CEACAM7: variants seen among roughly 807,000 people sequenced by gnomAD.
The protein encoded by CEACAM7 is cell adhesion molecule CEACAM7.
In CEACAM7, 24 loss-of-function variants were observed where a neutral mutation model predicts 25.7. The ratio of observed to expected loss-of-function variants is 0.93; its 90% confidence interval spans 0.68 to 1.31. CEACAM7 has a LOEUF of 1.31. Ranked by LOEUF, CEACAM7 falls within the 40% of genes most tolerant of loss-of-function variation. The pLI, the probability that CEACAM7 is intolerant of heterozygous loss-of-function variation, is 0.00. For missense variants in CEACAM7, 324 were observed against 330.1 expected, an observed-to-expected ratio of 0.98 and a Z score of 0.14; for synonymous variants, 144 against 129.4, an observed-to-expected ratio of 1.11 and a Z score of -0.77.
intron 2 of CEACAM7, among the ~76,000 whole-genome samples, chr19:41,685,612 A>G (rs2072218670): frequency 6.6e-6 from 1 of 152,124 alleles, no homozygotes; most frequent in African/African-American, 2.4e-5. Flanking sequence ...GGGCCCTGGC[A>G]TGTGCAGGGT....
intron 2 of CEACAM7, among the ~76,000 whole-genome samples, chr19:41,685,078 G>A (rs2072213728): frequency 6.6e-6 from 1 of 152,178 alleles, no homozygotes; most frequent in Non-Finnish European, 1.5e-5. Context: ...TGCCTAGGCC[G>A]CTGCACCTGG....
Position 41,674,506 on chromosome 19 carries a change from C to T in CEACAM7, c.*270G>A. On this transcript the variant is annotated 3_prime_UTR_variant, in exon 5 of 5. Transcript: ENST00000401731. ...ACATCTTGGGAAAAACTGTCCACAGCATGAAGTCATCAACTTCTTGTCCTG... is the reference window on the plus strand; with the variant it reads ...ACATCTTGGGAAAAACTGTCCACAGTATGAAGTCATCAACTTCTTGTCCTG... 1 of 170,420 alleles carries T rather than the reference C, an allele frequency of 5.9e-6. No individual in the cohort carries two copies. Among genetic ancestry groups the T allele is most frequent in the Non-Finnish European group, 1.3e-5 (1 of 79,348 alleles). The allele number at this position is 170,420 out of a possible 1,614,324, so 10.6% of individuals were successfully genotyped here. A position where few individuals can be genotyped will look rare whatever the true frequency, so the allele number is the denominator to read the frequency against.
chr19:41,687,426 T>C (rs906957271), intron 1 of CEACAM7, among the ~76,000 whole-genome samples: 14 of 152,178 alleles, frequency 9.2e-5, no homozygotes, highest in Non-Finnish European at 1.8e-4. Context: ...CGGAATCCTC[T>C]TCCCCAGGGA....
At chr19:41,684,483 T>TC (rs1204776238) in intron 2 of CEACAM7, among the ~76,000 whole-genome samples, 1 of 152,192 alleles carries the variant, frequency 6.6e-6, no homozygotes, top group Non-Finnish European at 1.5e-5. Context: ...GCCTTTTTTT[T>TC]CCAAGGATAT....
chr19:41,686,673 G>A (rs1382431478), intron 2 of CEACAM7, among the ~76,000 whole-genome samples, 186 bp downstream of exon 2: 2 of 152,168 alleles, frequency 1.3e-5, no homozygotes, highest in African/African-American at 2.4e-5. Flanking sequence ...GCAGGGTCTG[G>A]ATGCAGGAAA....
intron 2 of CEACAM7, among the ~76,000 whole-genome samples, chr19:41,685,982 G>C (rs1432812082): frequency 1.3e-5 from 2 of 152,118 alleles, no homozygotes; most frequent in Non-Finnish European, 2.9e-5. Flanking sequence ...AACAAAATGA[G>C]ATAAAGCGTA....
Position 41,688,264 on chromosome 19 carries a change from C to G in CEACAM7, c.-99G>C. The G allele has an allele frequency of 6.7e-7, 1 of 1,495,914 alleles. No individual in the cohort carries two copies. Among genetic ancestry groups the G allele is most frequent in the Non-Finnish European group, 8.9e-7 (1 of 1,120,102 alleles). 92.7% of individuals were successfully genotyped at this position (1,495,914 alleles called of 1,614,324 possible). ...ACTGTCAGCTCTGCTGTCCTTCCTA[C>G]CTCTGTGCTGAGCCTCCTCCCAGGG... On this transcript the variant is annotated 5_prime_UTR_variant, in exon 1 of 5. Transcript: ENST00000401731.
intron 3 of CEACAM7, among the ~76,000 whole-genome samples, chr19:41,679,801 C>CTCT (rs35780292): frequency 0.42 from 46,860 of 112,078 alleles, 11,962 homozygotes; most frequent in Middle Eastern, 0.55. Context: ...CTCTCTCTCT[C>CTCT]TTTTTTTTTT....
intron 3 of CEACAM7, among the ~76,000 whole-genome samples, chr19:41,678,538 A>G (rs1386577678): frequency 3.9e-5 from 6 of 152,060 alleles, no homozygotes; most frequent in African/African-American, 1.2e-4. Context: ...GGTGCTTCCT[A>G]TGTGTCAGGC....
chr19:41,682,836 C>T (rs924294072), intron 3 of CEACAM7, among the ~76,000 whole-genome samples: 5 of 152,322 alleles, frequency 3.3e-5, no homozygotes, highest in Non-Finnish European at 4.4e-5. Context: ...TATTGATGAC[C>T]GAGAGAACCC....
At chr19:41,677,549 C>G (rs782734594) in intron 3 of CEACAM7, 46 bp from the exon 4 acceptor site, 4 of 1,431,994 alleles carry the variant, frequency 2.8e-6, no homozygotes, top group Non-Finnish European at 3.9e-6. Flanking sequence ...TCTTATTTTA[C>G]AGGGAAGTCC....
intron 3 of CEACAM7, among the ~76,000 whole-genome samples, chr19:41,680,058 G>A (rs1201976492): frequency 2.2e-5 from 3 of 135,148 alleles, no homozygotes; most frequent in African/African-American, 8.5e-5. Flanking sequence ...GACCCCAAAT[G>A]ATCTGACCAC....
Position 41,674,557 on chromosome 19 carries a change from A to T in CEACAM7, c.*219T>A, listed in dbSNP as rs1276923911. On this transcript the variant is annotated 3_prime_UTR_variant, in exon 5 of 5. Coordinates refer to ENST00000401731, the MANE Select transcript of CEACAM7 (RefSeq NM_001291485.2). ...GTTGGCAATTTGAGTGTCTCTAGTT[A>T]TGGTGTTGAACATTTTGGTTAGCTC... 8.4e-6 allele frequency: 2 copies of T among 237,644 alleles called. No individual in the cohort carries two copies. The highest frequency in any genetic ancestry group is 4.7e-5 in the African/African-American group (2 of 42,878). The allele number at this position is 237,644 out of a possible 1,614,324, so 14.7% of individuals were successfully genotyped here. A position where few individuals can be genotyped will look rare whatever the true frequency, so the allele number is the denominator to read the frequency against.
intron 3 of CEACAM7, 145 bp downstream of exon 3, chr19:41,683,640 G>C: frequency 7.3e-7 from 1 of 1,367,588 alleles, no homozygotes; most frequent in African/African-American, 1.4e-5. Context: ...GCCCAGGTTT[G>C]CTTGTGGCAG....
Position 41,683,920 on chromosome 19 carries a change from T to C in CEACAM7, c.571A>G (p.Arg191Gly). The change falls in exon 3 of 5, where the codon AGG (arginine) becomes GGG (glycine). Residue 191 changes from arginine (R) to glycine (G), a missense_variant. Transcript: ENST00000401731. ...VNNQSLLVSPRLLLSTDNRTL... is the reference protein window; with the variant it reads ...VNNQSLLVSPGLLLSTDNRTL... Reference sequence around the variant, plus strand: ...CTGTTGTCAGTGGAGAGCAGCAGCCTGGGACTGACCAGGAGGCTCTGATTG... The same window carrying C: ...CTGTTGTCAGTGGAGAGCAGCAGCCCGGGACTGACCAGGAGGCTCTGATTG... 6.2e-7 allele frequency: 1 copy of C among 1,614,220 alleles called. No homozygotes were observed.
intron 4 of CEACAM7, among the ~76,000 whole-genome samples, chr19:41,676,673 C>T (rs999919647): frequency 6.6e-5 from 10 of 152,232 alleles, no homozygotes; most frequent in Admixed American, 4.6e-4. Context: ...CTCAGGTTCA[C>T]ATACTAATGC....
chr19:41,679,943 A>G (rs1187075490), intron 3 of CEACAM7, among the ~76,000 whole-genome samples: 1 of 142,386 alleles, frequency 7.0e-6, no homozygotes, highest in Non-Finnish European at 1.5e-5. Context: ...TTGAAATTAC[A>G]GGCGTGTGCC....
chr19:41,677,275 A>C, intron 4 of CEACAM7, 101 bp downstream of exon 4: 3 of 617,882 alleles, frequency 4.9e-6, no homozygotes. Context: ...GAGGAGGAGG[A>C]GATCTAGTCC....
intron 3 of CEACAM7, among the ~76,000 whole-genome samples, chr19:41,677,996 T>G (rs181138872): frequency 2.2e-4 from 33 of 152,318 alleles, no homozygotes; most frequent in African/African-American, 7.7e-4. Context: ...TTCCCAACAG[T>G]CTTGCAGAAA....
Sources: gnomAD v4.1 joint callset for allele counts (sites outside exome capture counted in the v4.1 genomes callset) on GRCh38, gnomAD v4.1.1 for gene constraint, MANE v1.5 for transcripts, NCBI Gene and HGNC (gene_info 2026-07-23, HGNC 2026-07-21) for gene names.